KLF17: variants seen among roughly 807,000 people sequenced by gnomAD.
KLF17 encodes Krueppel-like factor 17.
A neutral mutation model predicts 34.2 loss-of-function variants in KLF17; 31 were observed. The ratio of observed to expected loss-of-function variants is 0.91; its 90% CI spans 0.68 to 1.22. The LOEUF (loss-of-function observed/expected upper bound fraction) is 1.22, where lower values mean the gene tolerates loss of function less well. Among genes scored for constraint, KLF17 ranks in the 50% most tolerant of loss-of-function variants. KLF17 has a pLI of 0.00. For missense variants in KLF17, 478 were observed against 505.2 expected (o/e 0.95, Z 0.52); for synonymous variants, 179 against 186.7 (o/e 0.96, Z 0.34).
the KLF17 span, among the ~76,000 whole-genome samples, chr1:44,097,182 A>ATCTGTTTTGGTACCAGTACCAT: frequency 2.0e-5 from 3 of 151,338 alleles, no homozygotes; most frequent in East Asian, 5.8e-4. Flanking sequence ...TGGTCTATAT[A>ATCTGTTTTGGTACCAGTACCAT]TCTGTTTTGG....
At chr1:44,122,528 AC>A (rs542589618) in intron 1 of KLF17, 5 of 852,632 alleles carry the variant, frequency 5.9e-6, no homozygotes, top group South Asian at 5.3e-5. Flanking sequence ...CGGTGCCATC[AC>A]CCTTTGGGTC....
Position 44,121,366 on chromosome 1 carries a change from C to T in KLF17, c.81+2378C>T, listed in dbSNP as rs574843040. 7.9e-5 allele frequency among the ~76,000 whole-genome samples: 12 copies of T among 152,352 alleles called. No homozygotes were observed. The South Asian group carries it at 2.5e-3, about 32-fold the overall frequency. On this transcript the variant is annotated intron_variant, in intron 1 of 3. Transcript: ENST00000372299. ...CTGCCCTCAAATGATCTACCCGCCTCAGCCTCCCAAAGAGGTGGGATTACA... is the reference window on the plus strand; with the variant it reads ...CTGCCCTCAAATGATCTACCCGCCTTAGCCTCCCAAAGAGGTGGGATTACA...
At chr1:44,109,534 ATAT>A in the KLF17 span, among the ~76,000 whole-genome samples, 1 of 152,220 alleles carries the variant, frequency 6.6e-6, no homozygotes. Flanking sequence ...CCAGTGTAGA[ATAT>A]AATACAAACA....
the KLF17 span, among the ~76,000 whole-genome samples, chr1:44,075,481 A>G: frequency 6.6e-6 from 1 of 152,190 alleles, no homozygotes; most frequent in South Asian, 2.1e-4. Flanking sequence ...CAGGTATTCA[A>G]ATATTATTAT....
intron 1 of KLF17, among the ~76,000 whole-genome samples, chr1:44,127,606 CTTTCTTTCT>C (rs1306458413): frequency 1.7e-5 from 2 of 119,666 alleles, no homozygotes; most frequent in Non-Finnish European, 3.5e-5. Flanking sequence ...CTTTCCCTTT[CTTTCTTTCT>C]TTTCTTTTCT....
chr1:44,080,713 A>ATTT, the KLF17 span, among the ~76,000 whole-genome samples: 1,090 of 92,646 alleles, frequency 0.012, 49 homozygotes, highest in African/African-American at 0.048. Flanking sequence ...ATTATATTGA[A>ATTT]TTTTTTTTTT....
At chr1:44,117,951 C>G (rs531233843), upstream of KLF17, among the ~76,000 whole-genome samples, 9 of 152,266 alleles carry the variant, frequency 5.9e-5, no homozygotes, top group South Asian at 1.9e-3. Context: ...GAATAAAATC[C>G]AAATTCCTTT....
the KLF17 span, among the ~76,000 whole-genome samples, chr1:44,072,538 A>G: frequency 6.6e-6 from 1 of 151,838 alleles, no homozygotes; most frequent in Non-Finnish European, 1.5e-5. Context: ...ATAAATAAAT[A>G]AATAAATAAA....
chr1:44,103,523 G>A, the KLF17 span: 1 of 1,229,916 alleles, frequency 8.1e-7, no homozygotes, highest in Non-Finnish European at 1.2e-6. Flanking sequence ...CATAGCTGCT[G>A]GTGGTCTTCG....
At chr1:44,103,928 C>G in the KLF17 span, 159 of 846,588 alleles carry the variant, frequency 1.9e-4, no homozygotes, top group Non-Finnish European at 1.7e-4. Context: ...CATACTTGAT[C>G]TGGTACATGC....
At chr1:44,083,959 T>A in the KLF17 span, among the ~76,000 whole-genome samples, 2 of 152,208 alleles carry the variant, frequency 1.3e-5, no homozygotes, top group Non-Finnish European at 2.9e-5. Context: ...TTAGTCTTCA[T>A]GTATATTCAA....
In KLF17 at chr1:44,130,494, C is replaced by A; in HGVS notation, c.926-18C>A. ...TCCTACTGTATTCTAAATTCCATCT[C>A]TCCCTTGTCATTCCCAGGTGAGAGG... On this transcript the variant is annotated intron_variant, in intron 2 of 3. Coordinates refer to ENST00000372299, the MANE Select transcript of KLF17 (RefSeq NM_173484.4). The A allele has an allele frequency of 6.2e-7, 1 of 1,613,996 alleles. No individual in the cohort carries two copies. Among genetic ancestry groups the A allele is most frequent in the South Asian group, 1.1e-5 (1 of 91,050 alleles).
At chr1:44,099,857 GAAAGAAA>G in the KLF17 span, among the ~76,000 whole-genome samples, 1 of 97,014 alleles carries the variant, frequency 1.0e-5, no homozygotes, top group East Asian at 3.1e-4. Context: ...AAGAAAGAAA[GAAAGAAA>G]GAAAGAAAGA....
At chr1:44,119,764 G>A (rs2154311337) in intron 1 of KLF17, among the ~76,000 whole-genome samples, 1 of 152,298 alleles carries the variant, frequency 6.6e-6, no homozygotes, top group South Asian at 2.1e-4. Flanking sequence ...TGGAAGGGTG[G>A]CCCCAGGGAC....
the KLF17 span, chr1:44,046,159 AAT>A: frequency 6.7e-6 from 1 of 149,362 alleles, no homozygotes; most frequent in Non-Finnish European, 1.5e-5. Flanking sequence ...TAATAATAAT[AAT>A]AATAGCTATC....
At chr1:44,046,868 CA>C in the KLF17 span, among the ~76,000 whole-genome samples, 1 of 151,906 alleles carries the variant, frequency 6.6e-6, no homozygotes, top group African/African-American at 2.4e-5. Flanking sequence ...ACTAAAAATA[CA>C]AAAATTAGCT....
intron 1 of KLF17, among the ~76,000 whole-genome samples, chr1:44,125,268 T>C (rs1022343564): frequency 1.3e-5 from 2 of 152,198 alleles, no homozygotes; most frequent in Admixed American, 6.5e-5. Context: ...AATGTCTAAT[T>C]TCTTCCTCAT....
chr1:44,064,744 G>A, the KLF17 span, among the ~76,000 whole-genome samples: 1 of 152,096 alleles, frequency 6.6e-6, no homozygotes, highest in Non-Finnish European at 1.5e-5. Context: ...TCAAGATACA[G>A]GTTCATGAAA....
chr1:44,092,282 C>T, the KLF17 span, among the ~76,000 whole-genome samples: 3 of 150,220 alleles, frequency 2.0e-5, no homozygotes, highest in Non-Finnish European at 4.4e-5. Context: ...GCTGATGATG[C>T]GGTGAGCCGA....
Sources: gnomAD v4.1 joint callset for allele counts (sites outside exome capture counted in the v4.1 genomes callset) on GRCh38, gnomAD v4.1.1 for gene constraint, MANE v1.5 for transcripts, NCBI Gene and HGNC (gene_info 2026-07-23, HGNC 2026-07-21) for gene names.